TSPAN13: variants seen among roughly 807,000 people sequenced by gnomAD.
TSPAN13 encodes tetraspanin 13, also known as tetraspanin-13.
In TSPAN13, 18 loss-of-function variants were observed where a neutral mutation model predicts 26.9. The ratio of observed to expected loss-of-function variants is 0.67; its 90% CI spans 0.46 to 0.99. The LOEUF is 0.99. TSPAN13 is among the 50% of genes least tolerant of loss of function. The pLI is 0.00. For missense variants in TSPAN13, 201 were observed against 249.6 expected (o/e 0.81, Z 1.31); for synonymous variants, 116 against 98.4 (o/e 1.18, Z -1.06).
intron 5 of TSPAN13, 121 bp from the exon 6 acceptor site, chr7:16,783,296 C>T (rs955668275): frequency 4.2e-6 from 4 of 949,350 alleles, no homozygotes; most frequent in Non-Finnish European, 6.3e-6. Flanking sequence ...AAATCTCTCC[C>T]CGTTGAACAA....
At chr7:16,768,786 T>A (rs1351845772) in intron 1 of TSPAN13, among the ~76,000 whole-genome samples, 1 of 152,220 alleles carries the variant, frequency 6.6e-6, no homozygotes, top group Non-Finnish European at 1.5e-5. Flanking sequence ...GAATTTTGCC[T>A]CTCTCAAAGA....
chr7:16,781,559 G>T (rs1255637780), intron 5 of TSPAN13, among the ~76,000 whole-genome samples: 1 of 152,174 alleles, frequency 6.6e-6, no homozygotes, highest in Non-Finnish European at 1.5e-5. Flanking sequence ...GAACAGTCGG[G>T]CAAGGAAGGG....
In TSPAN13 at chr7:16,763,489, C is replaced by T. The variant is rs1026610258; in HGVS notation, c.63+9459C>T. Among the ~76,000 whole-genome samples the T allele has an allele frequency of 2.0e-5, 3 of 152,294 alleles. No individual in the cohort carries two copies. The East Asian group carries it at 5.8e-4, about 29-fold the overall frequency. ...TCAAGGGGCTCGAAGTCGCTCGCCCCTTTCATCCGCTTTTCAGCTTAGCTT... is the reference window on the plus strand; with the variant it reads ...TCAAGGGGCTCGAAGTCGCTCGCCCTTTTCATCCGCTTTTCAGCTTAGCTT... On this transcript the variant is annotated intron_variant, in intron 1 of 5. Coordinates refer to ENST00000262067, the MANE Select transcript of TSPAN13 (RefSeq NM_014399.4).
At chr7:16,756,960 CA>C (rs1285325514) in intron 1 of TSPAN13, among the ~76,000 whole-genome samples, 1 of 152,152 alleles carries the variant, frequency 6.6e-6, no homozygotes, top group Non-Finnish European at 1.5e-5. Context: ...ACCTTTTATA[CA>C]TATGTTTTCA....
intron 1 of TSPAN13, among the ~76,000 whole-genome samples, chr7:16,771,785 C>A (rs1466771098): frequency 6.6e-6 from 1 of 152,162 alleles, no homozygotes; most frequent in Non-Finnish European, 1.5e-5. Flanking sequence ...CGATAGGAAA[C>A]CCTCTTTGAT....
intron 1 of TSPAN13, among the ~76,000 whole-genome samples, chr7:16,764,725 C>G (rs557308738): frequency 4.7e-4 from 72 of 152,106 alleles, no homozygotes; most frequent in Non-Finnish European, 9.7e-4. Flanking sequence ...ACTACAATTT[C>G]TTATGCATTG....
intron 1 of TSPAN13, 101 bp from the exon 2 acceptor site, chr7:16,776,110 A>G: frequency 2.7e-6 from 3 of 1,113,738 alleles, no homozygotes; most frequent in South Asian, 3.3e-5. Context: ...GAGACTACGT[A>G]GGTGCCTGAA....
chr7:16,754,257 G>T (rs2115317471), intron 1 of TSPAN13, among the ~76,000 whole-genome samples: 2 of 152,250 alleles, frequency 1.3e-5, no homozygotes, highest in Middle Eastern at 6.8e-3. Flanking sequence ...GGTCTCTCAG[G>T]CTCGCTGGCC....
In TSPAN13 at chr7:16,784,228, T is replaced by C. The variant is rs912785096; in HGVS notation, c.*737T>C. 1.3e-5 allele frequency: 2 copies of C among 152,542 alleles called. No individual in the cohort carries two copies. The highest frequency in any genetic ancestry group is 2.4e-5 in the African/African-American group (1 of 41,450). The allele number at this position is 152,542 out of a possible 1,614,324, so 9.4% of individuals were successfully genotyped here. ...GAAGTATATCTATATGATCTTGATA[T>C]TGTTTTATAATAATTTGAAGTCTAA... On this transcript the variant is annotated 3_prime_UTR_variant, in exon 6 of 6. Coordinates refer to ENST00000262067, the MANE Select transcript of TSPAN13 (RefSeq NM_014399.4).
At chr7:16,754,129 C>T in intron 1 of TSPAN13, 99 bp downstream of exon 1, 4 of 1,243,336 alleles carry the variant, frequency 3.2e-6, no homozygotes, top group Non-Finnish European at 4.5e-6. Flanking sequence ...TCGTTGCATC[C>T]CGCGCCCCCT....
chr7:16,783,528 C>T lies in TSPAN13; in HGVS notation c.*37C>T, dbSNP rs748791146. On this transcript the variant is annotated 3_prime_UTR_variant, in exon 6 of 6. Transcript: ENST00000262067. ...GGAAGATTTCCTTTCGTATTATGAT[C>T]TTGTTCACTTTCTGTAATTTTCTGT... The T allele has an allele frequency of 1.9e-6, 3 of 1,586,730 alleles. No homozygotes were observed. The highest frequency in any genetic ancestry group is 2.6e-6 in the Non-Finnish European group (3 of 1,155,790).
At chr7:16,781,213 A>G (rs1784810353) in intron 5 of TSPAN13, among the ~76,000 whole-genome samples, 1 of 152,246 alleles carries the variant, frequency 6.6e-6, no homozygotes, top group Non-Finnish European at 1.5e-5. Flanking sequence ...AATTAGACGT[A>G]GCTACTAAAA....
At chr7:16,772,566 G>A (rs755706514) in intron 1 of TSPAN13, among the ~76,000 whole-genome samples, 1 of 152,060 alleles carries the variant, frequency 6.6e-6, no homozygotes, top group Non-Finnish European at 1.5e-5. Context: ...TCTACATTGT[G>A]TGTGTCTCTC....
intron 1 of TSPAN13, among the ~76,000 whole-genome samples, chr7:16,771,532 A>G (rs866545026): frequency 6.6e-6 from 1 of 152,190 alleles, no homozygotes; most frequent in Non-Finnish European, 1.5e-5. Context: ...AGAGGGTCAG[A>G]GTCAAAAAAT....
intron 1 of TSPAN13, among the ~76,000 whole-genome samples, chr7:16,774,459 C>T (rs1410311584): frequency 6.6e-6 from 1 of 152,192 alleles, no homozygotes; most frequent in Non-Finnish European, 1.5e-5. Flanking sequence ...GCACCTCCTT[C>T]AGGCTTCTGT....
chr7:16,780,122 C>CA (rs1784799252), intron 5 of TSPAN13, among the ~76,000 whole-genome samples: 1 of 149,422 alleles, frequency 6.7e-6, no homozygotes, highest in East Asian at 2.0e-4. Context: ...TATTTTGAGA[C>CA]AGAGTCTTGC....
Position 16,753,791 on chromosome 7 carries a change from G to A in TSPAN13, c.-177G>A, listed in dbSNP as rs1784448241. ...GCGGCGGCCGCAGGTTCCAAAGCGG[G>A]TCCGAGCCGCCGCCGCGCGCGCGCC... On this transcript the variant is annotated 5_prime_UTR_variant, in exon 1 of 6. Transcript: ENST00000262067. The A allele has an allele frequency of 5.8e-6, 3 of 517,656 alleles. No homozygotes were observed. The East Asian group carries it at 1.1e-4, about 19-fold the overall frequency. The allele number at this position is 517,656 out of a possible 1,614,324, so 32.1% of individuals were successfully genotyped here.
chr7:16,782,458 CATTTT>C (rs1474972515), intron 5 of TSPAN13, among the ~76,000 whole-genome samples: 1 of 152,168 alleles, frequency 6.6e-6, no homozygotes, highest in Non-Finnish European at 1.5e-5. Context: ...GTTTAAAACT[CATTTT>C]ATTCTATTAA....
At chr7:16,772,519 G>A (rs1398587243) in intron 1 of TSPAN13, among the ~76,000 whole-genome samples, 1 of 152,080 alleles carries the variant, frequency 6.6e-6, no homozygotes, top group East Asian at 1.9e-4. Context: ...ATTCCTTGTG[G>A]CTGCATTAGT....
Sources: gnomAD v4.1 joint callset for allele counts (sites outside exome capture counted in the v4.1 genomes callset) on GRCh38, gnomAD v4.1.1 for gene constraint, MANE v1.5 for transcripts, NCBI Gene and HGNC (gene_info 2026-07-23, HGNC 2026-07-21) for gene names.